Variants in ANTXR1 observed in about 807,000 individuals in gnomAD.
ANTXR1 encodes the protein ANTXR cell adhesion molecule 1, also known as anthrax toxin receptor 1.
In ANTXR1, 19 loss-of-function variants were observed where a neutral mutation model predicts 78.1. The observed-to-expected ratio is 0.24, with a 90% confidence interval of 0.17 to 0.36. The LOEUF is 0.36. ANTXR1 is among the 10% of genes least tolerant of loss of function. The pLI is 1.00. For missense variants in ANTXR1, 518 were observed against 718.6 expected (o/e 0.72, Z 3.19); for synonymous variants, 273 against 260.5 (o/e 1.05, Z -0.46).
At chr2:69,048,799 C>T (rs932182606) in intron 3 of ANTXR1, among the ~76,000 whole-genome samples, 5 of 152,120 alleles carry the variant, frequency 3.3e-5, no homozygotes, top group African/African-American at 7.2e-5. Context: ...TTGGTCTTTA[C>T]TGGATTTTTC....
At chr2:69,166,070 C>T (rs961673132) in intron 13 of ANTXR1, among the ~76,000 whole-genome samples, 7 of 152,212 alleles carry the variant, frequency 4.6e-5, no homozygotes, top group African/African-American at 1.2e-4. Flanking sequence ...CTACTCTATT[C>T]GTACTATGCT....
rs1670700222 is a variant in ANTXR1, at chr2:69,075,458, T to G, written c.493-132T>G. 8.1e-6 allele frequency: 7 copies of G among 862,188 alleles called. No individual in the cohort carries two copies. In the Admixed American group the frequency reaches 1.2e-4, roughly 15 times the overall value. 53.4% of individuals were successfully genotyped at this position (862,188 alleles called of 1,614,324 possible). ...GAGCTTCCTGGGGACAGGGATTGCC[T>G]TCTCCAGTATGGCACCAGGCACATG... On this transcript the variant is annotated intron_variant, in intron 6 of 17. Coordinates refer to ENST00000303714, the MANE Select transcript of ANTXR1 (RefSeq NM_032208.3).
chr2:69,123,316 T>C (rs1245873194), intron 11 of ANTXR1, among the ~76,000 whole-genome samples: 2 of 152,192 alleles, frequency 1.3e-5, no homozygotes, highest in African/African-American at 4.8e-5. Context: ...ACTATCCCAG[T>C]TTTACAGACA....
chr2:69,065,894 G>T (rs1049007627), intron 3 of ANTXR1, among the ~76,000 whole-genome samples: 1 of 152,198 alleles, frequency 6.6e-6, no homozygotes, highest in South Asian at 2.1e-4. Context: ...TCCAGGAGTG[G>T]CATTAGTGGT....
At chr2:69,217,338 T>C (rs1017509000) in intron 17 of ANTXR1, among the ~76,000 whole-genome samples, 5 of 152,202 alleles carry the variant, frequency 3.3e-5, no homozygotes, top group Admixed American at 6.5e-5. Context: ...CTGGAGAGGA[T>C]GGGCCACTCG....
chr2:69,102,311 A>G (rs965424180), intron 9 of ANTXR1, among the ~76,000 whole-genome samples: 2 of 152,288 alleles, frequency 1.3e-5, no homozygotes, highest in African/African-American at 2.4e-5. Context: ...CAGACCATAC[A>G]TAATGACAGT....
intron 10 of ANTXR1, among the ~76,000 whole-genome samples, chr2:69,112,075 C>T (rs1001316885): frequency 3.3e-5 from 5 of 152,166 alleles, no homozygotes; most frequent in Admixed American, 6.5e-5. Context: ...TTTTGTGTAA[C>T]TCAGAATGAA....
At chr2:69,115,110 G>C (rs1285620172) in intron 10 of ANTXR1, among the ~76,000 whole-genome samples, 15 of 152,296 alleles carry the variant, frequency 9.8e-5, no homozygotes, top group Admixed American at 9.2e-4. Context: ...CACCATCCCT[G>C]GTCTCTACCC....
At chr2:69,048,545 A>C (rs1669842753) in intron 3 of ANTXR1, among the ~76,000 whole-genome samples, 1 of 152,198 alleles carries the variant, frequency 6.6e-6, no homozygotes, top group African/African-American at 2.4e-5. Context: ...GATATAAGGT[A>C]CAAGGTCAAC....
At chr2:69,029,826 A>G (rs184895958) in intron 1 of ANTXR1, among the ~76,000 whole-genome samples, 119 of 152,310 alleles carry the variant, frequency 7.8e-4, no homozygotes, top group Non-Finnish European at 3.4e-4. Context: ...CATAAAAGAA[A>G]CAGAAGGAAT....
At position 69,033,656 on chromosome 2, in the gene ANTXR1, T is replaced by G. The variant is rs74325674; in HGVS notation, c.153-6388T>G. Among the ~76,000 whole-genome samples, 2,353 of 152,278 alleles carry G rather than the reference T, an allele frequency of 0.015. 91 individuals carry two copies. In the East Asian group the frequency reaches 0.16, roughly 10 times the overall value. On this transcript the variant is annotated intron_variant, in intron 1 of 17. Transcript: ENST00000303714. ...CAGGATTGGGACCCAAGTGGGTTGC[T>G]GAGGACATCAGTGACTTCAACTGGG... is the stretch of plus-strand genomic sequence containing the variant.
intron 8 of ANTXR1, among the ~76,000 whole-genome samples, chr2:69,079,660 T>C (rs1277191326): frequency 2.0e-5 from 3 of 152,162 alleles, no homozygotes; most frequent in South Asian, 2.1e-4. Flanking sequence ...GCAGTGGGTG[T>C]AGTTACTGAA....
At chr2:69,139,311 C>G (rs1673005629) in intron 12 of ANTXR1, among the ~76,000 whole-genome samples, 1 of 152,214 alleles carries the variant, frequency 6.6e-6, no homozygotes, top group Admixed American at 6.5e-5. Context: ...TCCCTCTGCT[C>G]TGAGCTCAGG....
intron 3 of ANTXR1, among the ~76,000 whole-genome samples, chr2:69,059,523 G>T (rs1325731975): frequency 1.3e-5 from 2 of 151,584 alleles, no homozygotes; most frequent in Non-Finnish European, 2.9e-5. Context: ...TTGTTGCCCA[G>T]GCTGGAGTGC....
At chr2:69,181,229 G>A (rs1253890886) in intron 14 of ANTXR1, among the ~76,000 whole-genome samples, 1 of 152,194 alleles carries the variant, frequency 6.6e-6, no homozygotes, top group Non-Finnish European at 1.5e-5. Context: ...GGTGGGGATG[G>A]AGAAGTCAAC....
chr2:69,032,868 T>C (rs192051702), intron 1 of ANTXR1, among the ~76,000 whole-genome samples: 28 of 152,326 alleles, frequency 1.8e-4, no homozygotes, highest in Admixed American at 6.5e-4. Flanking sequence ...AAATACATTT[T>C]ATATCTTGAC....
chr2:69,177,617 A>G (rs1412271204), intron 14 of ANTXR1, among the ~76,000 whole-genome samples: 4 of 152,078 alleles, frequency 2.6e-5, no homozygotes, highest in South Asian at 4.2e-4. Flanking sequence ...TCCCTCCCCA[A>G]TCCCTGCGGT....
intron 2 of ANTXR1, among the ~76,000 whole-genome samples, chr2:69,043,487 G>A (rs1326724666): frequency 1.3e-5 from 2 of 152,082 alleles, no homozygotes; most frequent in Non-Finnish European, 2.9e-5. Flanking sequence ...CCCAGTGCTG[G>A]GGAAGTAGTC....
At chr2:69,226,817 T>C (rs1354155756) in intron 17 of ANTXR1, among the ~76,000 whole-genome samples, 1 of 152,214 alleles carries the variant, frequency 6.6e-6, no homozygotes, top group Non-Finnish European at 1.5e-5. Flanking sequence ...TTACCCTGCC[T>C]CTTTCCAAAA....
Sources: gnomAD v4.1 joint callset for allele counts (sites outside exome capture counted in the v4.1 genomes callset) on GRCh38, gnomAD v4.1.1 for gene constraint, MANE v1.5 for transcripts, NCBI Gene and HGNC (gene_info 2026-07-23, HGNC 2026-07-21) for gene names.